Variants in SGMS1 observed in about 807,000 individuals in gnomAD.
SGMS1 encodes sphingomyelin synthase 1.
In SGMS1, 13 loss-of-function variants were observed where a neutral mutation model predicts 46.2. The observed-to-expected ratio is 0.28, with a 90% CI of 0.18 to 0.45. SGMS1 has a LOEUF of 0.45. Ranked by LOEUF, SGMS1 falls within the 20% of genes least tolerant of loss-of-function variation. SGMS1 has a pLI of 1.00. For synonymous variants in SGMS1, 203 were observed against 187.8 expected (o/e 1.08, Z -0.66); for missense variants, 324 against 519.9 (o/e 0.62, Z 3.66).
At chr10:50,487,040 A>G (rs1032161147) in intron 3 of SGMS1, among the ~76,000 whole-genome samples, 5 of 152,248 alleles carry the variant, frequency 3.3e-5, no homozygotes, top group African/African-American at 9.6e-5. Flanking sequence ...CATTATCCTT[A>G]GCCATCTAAT....
At chr10:50,378,381 A>C (rs1848549083) in intron 6 of SGMS1, among the ~76,000 whole-genome samples, 1 of 152,184 alleles carries the variant, frequency 6.6e-6, no homozygotes, top group Non-Finnish European at 1.5e-5. Flanking sequence ...AAGTTTTAGA[A>C]CCTATGGCTA....
intron 6 of SGMS1, among the ~76,000 whole-genome samples, chr10:50,400,396 C>CATATATAT (rs10524155): frequency 3.0e-5 from 3 of 98,714 alleles, no homozygotes; most frequent in Non-Finnish European, 4.2e-5. Flanking sequence ...CACATCCTGG[C>CATATATAT]ATATATATAT....
At chr10:50,595,871 G>A (rs570651870) in intron 1 of SGMS1, among the ~76,000 whole-genome samples, 1 of 152,174 alleles carries the variant, frequency 6.6e-6, no homozygotes, top group Non-Finnish European at 1.5e-5. Flanking sequence ...GACTCAGTCA[G>A]AAGACGACTG....
At chr10:50,542,496 T>C (rs756802283) in intron 2 of SGMS1, among the ~76,000 whole-genome samples, 2 of 151,892 alleles carry the variant, frequency 1.3e-5, no homozygotes, top group Non-Finnish European at 1.5e-5. Flanking sequence ...GCAGAAAATA[T>C]GTATATTTGC....
chr10:50,366,357 T>C lies in SGMS1; in HGVS notation c.-231-22012A>G, dbSNP rs560231831. 2.6e-4 allele frequency among the ~76,000 whole-genome samples: 40 copies of C among 152,320 alleles called. No individual in the cohort carries two copies. The South Asian group carries it at 7.9e-3, about 30-fold the overall frequency. On this transcript the variant is annotated intron_variant, in intron 6 of 10. Transcript: ENST00000361781. The stretch of plus-strand genomic sequence containing the variant: ...AACGCTTTTACACTGTTGGTGGAAG[T>C]GTAAATTAGTTCAACCATTGTGGAA...
intron 6 of SGMS1, among the ~76,000 whole-genome samples, chr10:50,345,367 A>G (rs1847899245): frequency 6.6e-6 from 1 of 152,200 alleles, no homozygotes; most frequent in South Asian, 2.1e-4. Flanking sequence ...AGAAATGTCA[A>G]GAAACTTGCC....
At chr10:50,487,235 A>C (rs978685011) in intron 3 of SGMS1, among the ~76,000 whole-genome samples, 1 of 152,234 alleles carries the variant, frequency 6.6e-6, no homozygotes, top group Admixed American at 6.5e-5. Flanking sequence ...ATGCAGGAAC[A>C]GAAAACCAAA....
chr10:50,594,165 C>T (rs1838568639), intron 1 of SGMS1, among the ~76,000 whole-genome samples: 1 of 152,198 alleles, frequency 6.6e-6, no homozygotes, highest in Non-Finnish European at 1.5e-5. Context: ...TTTGCAGCAT[C>T]ACTACTACAA....
intron 1 of SGMS1, among the ~76,000 whole-genome samples, chr10:50,591,130 C>T (rs143639371): frequency 1.3e-5 from 2 of 152,270 alleles, no homozygotes; most frequent in East Asian, 3.9e-4. Context: ...GTTGCCATGA[C>T]GATACCTTCT....
chr10:50,393,454 G>A (rs899755986), intron 6 of SGMS1, among the ~76,000 whole-genome samples: 3 of 152,112 alleles, frequency 2.0e-5, no homozygotes, highest in Non-Finnish European at 2.9e-5. Flanking sequence ...CACTTAACGG[G>A]AAGATACCTG....
At chr10:50,368,361 A>G (rs1848382796) in intron 6 of SGMS1, among the ~76,000 whole-genome samples, 1 of 151,904 alleles carries the variant, frequency 6.6e-6, no homozygotes, top group Admixed American at 6.6e-5. Context: ...TTTATTTTTT[A>G]TTTTTTACTT....
At chr10:50,537,425 TTTC>T (rs1838011909) in intron 2 of SGMS1, among the ~76,000 whole-genome samples, 1 of 145,178 alleles carries the variant, frequency 6.9e-6, no homozygotes, top group African/African-American at 2.5e-5. Flanking sequence ...TCCTGTTTCT[TTTC>T]TTTTTTTTCT....
intron 3 of SGMS1, among the ~76,000 whole-genome samples, chr10:50,510,610 G>GTTTT (rs3054271): frequency 0.012 from 1,774 of 149,132 alleles, 15 homozygotes; most frequent in East Asian, 0.052. Flanking sequence ...GTATCTCTGT[G>GTTTT]TTTTTTTTTT....
intron 8 of SGMS1, among the ~76,000 whole-genome samples, chr10:50,318,862 T>C (rs2133293067): frequency 6.6e-6 from 1 of 152,266 alleles, no homozygotes; most frequent in Non-Finnish European, 1.5e-5. Flanking sequence ...GTTTTAGGGA[T>C]AGGGGGTGTC....
chr10:50,401,459 T>C (rs1465674466), intron 6 of SGMS1, among the ~76,000 whole-genome samples: 1 of 152,064 alleles, frequency 6.6e-6, no homozygotes, highest in East Asian at 1.9e-4. Context: ...CCTCAGTGAG[T>C]GGCAACACTG....
chr10:50,372,667 C>T (rs1175463407), intron 6 of SGMS1, among the ~76,000 whole-genome samples: 10 of 149,420 alleles, frequency 6.7e-5, no homozygotes, highest in African/African-American at 2.0e-4. Context: ...CACTCCAGCC[C>T]GGGTGACAGA....
At chr10:50,511,566 C>A (rs1055535487) in intron 3 of SGMS1, among the ~76,000 whole-genome samples, 16 of 152,200 alleles carry the variant, frequency 1.1e-4, no homozygotes, top group Non-Finnish European at 2.4e-4. Flanking sequence ...AAAAGATATA[C>A]AGAGTTGGCA....
At chr10:50,394,769 C>A (rs1848822275) in intron 6 of SGMS1, among the ~76,000 whole-genome samples, 2 of 152,194 alleles carry the variant, frequency 1.3e-5, no homozygotes, top group Admixed American at 6.5e-5. Context: ...CCCTAATACT[C>A]TAAGTTGTTT....
At chr10:50,560,350 ATATAT>A (rs1223430121) in intron 2 of SGMS1, among the ~76,000 whole-genome samples, 4 of 137,944 alleles carry the variant, frequency 2.9e-5, no homozygotes, top group East Asian at 2.0e-4. Context: ...TATTAATAAT[ATATAT>A]TATAATACAT....
Sources: gnomAD v4.1 joint callset for allele counts (sites outside exome capture counted in the v4.1 genomes callset) on GRCh38, gnomAD v4.1.1 for gene constraint, MANE v1.5 for transcripts, NCBI Gene and HGNC (gene_info 2026-07-23, HGNC 2026-07-21) for gene names.